Variants in UGT1A6 observed in about 807,000 individuals in gnomAD.
The protein encoded by UGT1A6 is UDP-glucuronosyltransferase 1A6.
UGT1A6 carries 32 observed loss-of-function variants against 44.4 expected under a neutral mutation model. The observed-to-expected ratio is 0.72, with a 90% confidence interval of 0.54 to 0.97. The LOEUF (loss-of-function observed/expected upper bound fraction) is 0.97, where lower values mean the gene tolerates loss of function less well. UGT1A6 is among the 50% of genes least tolerant of loss of function. The pLI is 0.00. For missense variants in UGT1A6, 685 were observed against 661.9 expected, an observed-to-expected ratio of 1.03 and a Z score of -0.38; for synonymous variants, 238 against 248.5, an observed-to-expected ratio of 0.96 and a Z score of 0.40.
At chr2:233,697,756 T>A (rs974445087) in intron 1 of UGT1A6, among the ~76,000 whole-genome samples, 2 of 152,164 alleles carry the variant, frequency 1.3e-5, no homozygotes, top group Non-Finnish European at 2.9e-5. Flanking sequence ...GCCCATAGAT[T>A]TTGATACATT....
chr2:233,755,016 T>C (rs1695690750), intron 1 of UGT1A6: 1 of 1,296,724 alleles, frequency 7.7e-7, no homozygotes, highest in Non-Finnish European at 1.0e-6. Context: ...CTCGAAGGGG[T>C]CCTTGAAGGG....
chr2:233,757,047 T>C (rs1479467900), intron 1 of UGT1A6, among the ~76,000 whole-genome samples: 1 of 151,210 alleles, frequency 6.6e-6, no homozygotes, highest in Non-Finnish European at 1.5e-5. Context: ...CAAAGGAAGT[T>C]TGGGGAACAG....
chr2:233,742,149 G>A (rs1392863105), intron 1 of UGT1A6, among the ~76,000 whole-genome samples: 1 of 151,848 alleles, frequency 6.6e-6, no homozygotes, highest in Non-Finnish European at 1.5e-5. Context: ...AGCGCTAGAC[G>A]AATTAAAGAC....
Position 233,772,306 on chromosome 2 carries a change from G to T in UGT1A6, c.1346G>T (p.Arg449Leu), listed in dbSNP as rs200370335. 9.9e-6 allele frequency: 16 copies of T among 1,614,092 alleles called. No individual in the cohort carries two copies. Among genetic ancestry groups the T allele is most frequent in the South Asian group, 2.2e-5 (2 of 91,084 alleles). ...CGCCTCTCCAGCCTTCACAAGGACC[G>T]CCCGGTGGAGCCGCTGGACCTGGCC... ...IMRLSSLHKD[R>L]PVEPLDLAVF... The change falls in exon 5 of 5, where the codon CGC (arginine) becomes CTC (leucine). Residue 449 changes from arginine (R) to leucine (L), a missense_variant. By Grantham distance (102) the Arg-to-Leu change is moderately radical. Coordinates refer to ENST00000305139, the MANE Select transcript of UGT1A6 (RefSeq NM_001072.4).
chr2:233,755,027 C>A (rs759197919), intron 1 of UGT1A6: 14 of 1,309,218 alleles, frequency 1.1e-5, no homozygotes, highest in Non-Finnish European at 1.4e-5. Flanking sequence ...CCTTGAAGGG[C>A]CTGCCGCCTG....
rs1030911458 is a variant in UGT1A6 at position 233,746,492 on chromosome 2, A to G, written c.862-20542A>G. Among the ~76,000 whole-genome samples, 6 of 151,536 alleles carry G rather than the reference A, an allele frequency of 4.0e-5. 1 individual carries two copies. Among genetic ancestry groups the G allele is most frequent in the African/African-American group, 1.5e-4 (6 of 40,956 alleles). ...CAGAAACACTTTCCATGGACATGTC[A>G]CTCTTTAGTAGCCCCCAAAGCAAGA... On this transcript the variant is annotated intron_variant, in intron 1 of 4. Coordinates refer to ENST00000305139, the MANE Select transcript of UGT1A6 (RefSeq NM_001072.4).
At chr2:233,703,412 A>G (rs1378820860) in intron 1 of UGT1A6, among the ~76,000 whole-genome samples, 1 of 151,566 alleles carries the variant, frequency 6.6e-6, no homozygotes, top group Non-Finnish European at 1.5e-5. Context: ...GGTTTTGTTT[A>G]TTTTTCTCTA....
intron 1 of UGT1A6, chr2:233,747,772 G>C (rs1693773071): frequency 6.2e-7 from 1 of 1,613,364 alleles, no homozygotes; most frequent in Non-Finnish European, 8.5e-7. Context: ...GGCACACAGT[G>C]TCCAAATCCT....
intron 1 of UGT1A6, among the ~76,000 whole-genome samples, chr2:233,726,595 T>C (rs6715325): frequency 0.46 from 69,783 of 152,034 alleles, 16,487 homozygotes; most frequent in South Asian, 0.58. Flanking sequence ...TAAGAGCCCT[T>C]GTGATTACAC....
chr2:233,745,257 G>A (rs1693056252), intron 1 of UGT1A6, among the ~76,000 whole-genome samples: 1 of 151,828 alleles, frequency 6.6e-6, no homozygotes, highest in African/African-American at 2.4e-5. Context: ...AAACCATTAA[G>A]ACTTGCAGGC....
At chr2:233,722,458 CTG>C (rs1559367331) in intron 1 of UGT1A6, among the ~76,000 whole-genome samples, 1 of 152,186 alleles carries the variant, frequency 6.6e-6, no homozygotes, top group South Asian at 2.1e-4. Flanking sequence ...AAAGAAATAA[CTG>C]TGGAATTTGT....
intron 1 of UGT1A6, among the ~76,000 whole-genome samples, chr2:233,701,595 T>G (rs557027411): frequency 7.9e-5 from 12 of 152,118 alleles, no homozygotes; most frequent in Non-Finnish European, 2.9e-5. Flanking sequence ...TAGTTGGAAG[T>G]AAAGCACTCC....
At chr2:233,725,992 T>C (rs1189472170) in intron 1 of UGT1A6, among the ~76,000 whole-genome samples, 2 of 152,010 alleles carry the variant, frequency 1.3e-5, no homozygotes, top group Admixed American at 6.6e-5. Context: ...GTGCTGAGAC[T>C]GCATCTCTAC....
chr2:233,747,428 G>T (rs1427040404), intron 1 of UGT1A6: 12 of 1,608,630 alleles, frequency 7.5e-6, no homozygotes, highest in South Asian at 6.6e-5. Context: ...TCAAACAAGA[G>T]AAATTTTTCA....
At chr2:233,706,356 C>A (rs1347100238) in intron 1 of UGT1A6, among the ~76,000 whole-genome samples, 1 of 152,190 alleles carries the variant, frequency 6.6e-6, no homozygotes, top group African/African-American at 2.4e-5. Context: ...AAACATTCTT[C>A]CAATTTAGGC....
At position 233,769,609 on chromosome 2, in the gene UGT1A6, C is replaced by A. The variant is rs776582226; in HGVS notation, c.1301+1170C>A. On this transcript the variant is annotated intron_variant, in intron 4 of 4. Coordinates refer to ENST00000305139, the MANE Select transcript of UGT1A6 (RefSeq NM_001072.4). The surrounding 1 kb of genome is among the most constrained non-coding windows in gnomAD (Gnocchi z 4.4). Reference sequence around the variant, plus strand: ...AGAGGAGACGGAACACGGGGACACACCAGCTTGAGCAAGGGACAACAGGGG... The same window carrying A: ...AGAGGAGACGGAACACGGGGACACAACAGCTTGAGCAAGGGACAACAGGGG... The A allele has an allele frequency of 4.3e-6, 7 of 1,612,634 alleles. No individual in the cohort carries two copies. The highest frequency in any genetic ancestry group is 1.7e-4 in the Middle Eastern group (1 of 6,054).
upstream of UGT1A6, chr2:233,692,742 A>T: frequency 9.6e-7 from 1 of 1,038,220 alleles, no homozygotes. Flanking sequence ...AGAGAGGGAG[A>T]AGCAGACTTG....
intron 1 of UGT1A6, chr2:233,713,367 A>G (rs764672319): frequency 5.0e-6 from 8 of 1,614,076 alleles, no homozygotes; most frequent in Middle Eastern, 3.3e-4. Context: ...GATCATACAT[A>G]GGTCTTGTGT....
intron 1 of UGT1A6, chr2:233,748,212 G>A (rs1693895532): frequency 2.0e-6 from 3 of 1,495,994 alleles, no homozygotes; most frequent in Non-Finnish European, 2.7e-6. Flanking sequence ...ATAGCCTTCA[G>A]TGAGATAAAC....
Sources: gnomAD v4.1 joint callset for allele counts (sites outside exome capture counted in the v4.1 genomes callset) on GRCh38, gnomAD v4.1.1 for gene constraint, Gnocchi (gnomAD v3.1) non-coding constraint, MANE v1.5 for transcripts, NCBI Gene and HGNC (gene_info 2026-07-23, HGNC 2026-07-21) for gene names.